The following ERG variants were observed in gnomAD, a reference collection of about 807,000 sequenced individuals.
ERG encodes the protein ETS transcription factor ERG, also known as transcriptional regulator ERG.
ERG carries 9 observed loss-of-function variants against 55.3 expected under a neutral mutation model. That is an observed-to-expected ratio of 0.16 (90% CI 0.10 to 0.28). The LOEUF is 0.28. Ranked by LOEUF, ERG falls within the 10% of genes least tolerant of loss-of-function variation. The pLI is 1.00. For synonymous variants in ERG, 223 were observed against 237.3 expected (o/e 0.94, Z 0.55); for missense variants, 434 against 631.6 (o/e 0.69, Z 3.35).
intron 1 of ERG, among the ~76,000 whole-genome samples, chr21:38,595,925 AT>A (rs548367997): frequency 1.3e-5 from 2 of 151,496 alleles, no homozygotes; most frequent in Non-Finnish European, 2.9e-5. Flanking sequence ...TTTATTCAGC[AT>A]TTTTTTTCTT....
At chr21:38,518,484 T>C (rs1227277016) in intron 2 of ERG, among the ~76,000 whole-genome samples, 4 of 152,102 alleles carry the variant, frequency 2.6e-5, no homozygotes, top group South Asian at 4.1e-4. Flanking sequence ...CACTTGATTT[T>C]TGACGAAGGT....
At chr21:38,529,018 G>T (rs1173484584) in intron 2 of ERG, among the ~76,000 whole-genome samples, 5 of 152,064 alleles carry the variant, frequency 3.3e-5, no homozygotes, top group African/African-American at 2.4e-5. Flanking sequence ...GAGCACACGG[G>T]CCCTGAGGTA....
At chr21:38,472,911 C>G (rs1282998936) in intron 1 of ERG, among the ~76,000 whole-genome samples, 1 of 152,160 alleles carries the variant, frequency 6.6e-6, no homozygotes, top group East Asian at 1.9e-4. Context: ...GGAGCCCCAG[C>G]AGGGCCTGGA....
chr21:38,419,561 C>A (rs532618667), intron 3 of ERG, among the ~76,000 whole-genome samples: 1 of 141,776 alleles, frequency 7.1e-6, no homozygotes, highest in South Asian at 2.1e-4. Context: ...TGGTTTTACT[C>A]TCTCTGTTCA....
upstream of ERG, among the ~76,000 whole-genome samples, chr21:38,586,849 T>G (rs1000914094): frequency 2.6e-5 from 4 of 152,174 alleles, no homozygotes; most frequent in Non-Finnish European, 5.9e-5. Flanking sequence ...CCCAAATTCA[T>G]TACAGCATTA....
chr21:38,615,729 T>TGACAAA (rs1343945298), intron 1 of ERG, among the ~76,000 whole-genome samples: 67 of 151,578 alleles, frequency 4.4e-4, no homozygotes, highest in Non-Finnish European at 1.3e-4. Context: ...AAAAGGGTTT[T>TGACAAA]TGAAAAATCA....
chr21:38,622,165 G>A (rs1408727087), intron 1 of ERG, among the ~76,000 whole-genome samples: 1 of 152,176 alleles, frequency 6.6e-6, no homozygotes, highest in African/African-American at 2.4e-5. Context: ...CATTCAGCAG[G>A]GGACTAGATT....
chr21:38,605,590 A>G (rs142615639), intron 1 of ERG, among the ~76,000 whole-genome samples: 1,530 of 152,314 alleles, frequency 0.01, 22 homozygotes, highest in African/African-American at 0.034. Flanking sequence ...CTGAATCCAC[A>G]GGAACCCATA....
chr21:38,510,024 G>A (rs547407115), intron 2 of ERG, among the ~76,000 whole-genome samples: 7 of 152,264 alleles, frequency 4.6e-5, no homozygotes, highest in South Asian at 2.1e-4. Flanking sequence ...AGGGGCCTTC[G>A]CTGTGGGCAC....
chr21:38,370,283 G>A, the ERG span, among the ~76,000 whole-genome samples: 24 of 151,952 alleles, frequency 1.6e-4, no homozygotes, highest in African/African-American at 3.9e-4. Flanking sequence ...ATTTCCCACC[G>A]TTTTTACTTG....
chr21:38,451,084 T>C, intron 1 of ERG: 1 of 450,260 alleles, frequency 2.2e-6, no homozygotes, highest in Non-Finnish European at 4.5e-6. Flanking sequence ...AGTGTTTTGG[T>C]GCCTGCTCTT....
intron 1 of ERG, among the ~76,000 whole-genome samples, chr21:38,636,579 A>G (rs1047810931): frequency 2.6e-5 from 4 of 152,232 alleles, no homozygotes; most frequent in African/African-American, 7.2e-5. Flanking sequence ...TGAAGAGCAG[A>G]TGAAAGCTGG....
chr21:38,420,031 G>GTT (rs34463414), intron 3 of ERG, among the ~76,000 whole-genome samples: 25,930 of 144,416 alleles, frequency 0.18, 2,479 homozygotes, highest in South Asian at 0.26. Flanking sequence ...ATAACTGATG[G>GTT]TTTTTTTTTT....
At chr21:38,608,952 T>C (rs977771290) in intron 1 of ERG, among the ~76,000 whole-genome samples, 1 of 152,190 alleles carries the variant, frequency 6.6e-6, no homozygotes, top group African/African-American at 2.4e-5. Flanking sequence ...TGGATATACA[T>C]AGACACAGCA....
intron 9 of ERG, among the ~76,000 whole-genome samples, chr21:38,390,464 G>A (rs1987920654): frequency 6.6e-6 from 1 of 152,202 alleles, no homozygotes; most frequent in South Asian, 2.1e-4. Context: ...CCTAAATGAG[G>A]TAATCAAGTT....
the ERG span, among the ~76,000 whole-genome samples, chr21:38,369,055 T>C: frequency 6.6e-6 from 1 of 152,238 alleles, no homozygotes. Context: ...TTTGCTATTG[T>C]GAATAGTGCT....
chr21:38,475,872 C>T (rs1444640663), intron 1 of ERG, among the ~76,000 whole-genome samples: 1 of 152,146 alleles, frequency 6.6e-6, no homozygotes, highest in Non-Finnish European at 1.5e-5. Flanking sequence ...CCCAGTAAAT[C>T]CTTAGTGAGT....
At position 38,524,598 on chromosome 21, in the gene ERG, A is replaced by G. The variant is rs1354043484; in HGVS notation, c.-41+51064T>C. Among the ~76,000 whole-genome samples, 3 of 152,334 alleles carry G rather than the reference A, an allele frequency of 2.0e-5. No homozygotes were observed. In the South Asian group the frequency reaches 6.2e-4, roughly 32 times the overall value. On this transcript the variant is annotated intron_variant, in intron 2 of 8. Transcript: ENST00000398897. ...AATTTAGAGTATTTTTGGAAACATCATTGCATGTTTAAAATATAATAAGCA... is the reference window on the plus strand; with the variant it reads ...AATTTAGAGTATTTTTGGAAACATCGTTGCATGTTTAAAATATAATAAGCA...
intron 1 of ERG, among the ~76,000 whole-genome samples, chr21:38,661,214 C>T (rs562544160): frequency 2.0e-5 from 3 of 152,246 alleles, no homozygotes; most frequent in Non-Finnish European, 2.9e-5. Context: ...GGTGCGCGCT[C>T]CTCCTAACTC....
Sources: gnomAD v4.1 joint callset for allele counts (sites outside exome capture counted in the v4.1 genomes callset) on GRCh38, gnomAD v4.1.1 for gene constraint, MANE v1.5 for transcripts, NCBI Gene and HGNC (gene_info 2026-07-23, HGNC 2026-07-21) for gene names.